Variants in KCND3 observed in about 807,000 individuals in gnomAD.
The protein encoded by KCND3 is A-type voltage-gated potassium channel KCND3.
In KCND3, 9 loss-of-function variants were observed where a neutral mutation model predicts 51.1. The ratio of observed to expected loss-of-function variants is 0.18; its 90% confidence interval spans 0.11 to 0.31. KCND3 has a LOEUF of 0.31. Ranked by LOEUF, KCND3 falls within the 10% of genes least tolerant of loss-of-function variation. KCND3 has a pLI of 1.00. For missense variants in KCND3, 526 were observed against 903.8 expected (o/e 0.58, Z 5.36); for synonymous variants, 349 against 368.0 (o/e 0.95, Z 0.59).
At chr1:111,941,803 C>T (rs1397301315) in intron 2 of KCND3, among the ~76,000 whole-genome samples, 1 of 152,292 alleles carries the variant, frequency 6.6e-6, no homozygotes, top group African/African-American at 2.4e-5. Flanking sequence ...CAGAAACTGC[C>T]TTTGACATAG....
At chr1:111,890,372 T>C (rs1005786631) in intron 2 of KCND3, among the ~76,000 whole-genome samples, 4 of 152,182 alleles carry the variant, frequency 2.6e-5, no homozygotes, top group African/African-American at 9.7e-5. Flanking sequence ...AAGCTGACTC[T>C]AAGGCTTTTG....
At chr1:111,915,528 G>A (rs557904131) in intron 2 of KCND3, among the ~76,000 whole-genome samples, 19 of 152,056 alleles carry the variant, frequency 1.2e-4, no homozygotes, top group African/African-American at 3.9e-4. Context: ...CGAGGTGGGA[G>A]GATCACGAGG....
chr1:111,935,962 C>T (rs1214062584), intron 2 of KCND3, among the ~76,000 whole-genome samples: 3 of 152,232 alleles, frequency 2.0e-5, no homozygotes, highest in African/African-American at 4.8e-5. Context: ...ATAAACTCTG[C>T]AAGACTGGTT....
intron 2 of KCND3, among the ~76,000 whole-genome samples, chr1:111,911,116 TCTGA>T (rs1670924356): frequency 1.3e-5 from 2 of 152,194 alleles, no homozygotes; most frequent in Admixed American, 6.5e-5. Context: ...TGGCCCTGAC[TCTGA>T]CTAAGATGGG....
At chr1:111,895,733 G>A (rs917599140) in intron 2 of KCND3, among the ~76,000 whole-genome samples, 8 of 152,224 alleles carry the variant, frequency 5.3e-5, no homozygotes, top group Non-Finnish European at 1.2e-4. Flanking sequence ...GGGCCAGGGG[G>A]CTGGATGCGG....
At chr1:111,972,435 G>A (rs1557758830) in intron 2 of KCND3, among the ~76,000 whole-genome samples, 2 of 152,142 alleles carry the variant, frequency 1.3e-5, no homozygotes, top group African/African-American at 4.8e-5. Context: ...GCCTCCCAAA[G>A]TGCTGGGATT....
chr1:111,860,583 A>T (rs1668294031), intron 2 of KCND3, among the ~76,000 whole-genome samples: 1 of 152,022 alleles, frequency 6.6e-6, no homozygotes. Flanking sequence ...CTAATGCATG[A>T]CCCACACTTC....
At chr1:111,884,355 G>A (rs1251417682) in intron 2 of KCND3, among the ~76,000 whole-genome samples, 1 of 152,186 alleles carries the variant, frequency 6.6e-6, no homozygotes, top group Non-Finnish European at 1.5e-5. Context: ...GTGGGAAATG[G>A]CCACATTGAA....
chr1:111,942,951 C>G (rs191297013), intron 2 of KCND3, among the ~76,000 whole-genome samples: 9 of 152,276 alleles, frequency 5.9e-5, no homozygotes, highest in African/African-American at 2.2e-4. Context: ...GGCCTCTCTC[C>G]TGGATGAAGA....
intron 2 of KCND3, among the ~76,000 whole-genome samples, chr1:111,840,589 T>A (rs1339402704): frequency 6.6e-6 from 1 of 152,078 alleles, no homozygotes; most frequent in African/African-American, 2.4e-5. Context: ...CAGAAATTTG[T>A]AAGTCATTGT....
chr1:111,925,926 C>A (rs573445139), intron 2 of KCND3, among the ~76,000 whole-genome samples: 1 of 152,290 alleles, frequency 6.6e-6, no homozygotes, highest in South Asian at 2.1e-4. Flanking sequence ...TTAGTATCCT[C>A]CCCCTCCCCA....
At chr1:111,928,440 G>A (rs564159491) in intron 2 of KCND3, among the ~76,000 whole-genome samples, 1 of 152,340 alleles carries the variant, frequency 6.6e-6, no homozygotes, top group South Asian at 2.1e-4. Flanking sequence ...TTCCACCTCA[G>A]TGGAAAGCAG....
chr1:111,837,962 G>A (rs1173730762), intron 2 of KCND3, among the ~76,000 whole-genome samples: 1 of 152,088 alleles, frequency 6.6e-6, no homozygotes, highest in South Asian at 2.1e-4. Context: ...AGACCACAGA[G>A]GTGCCGTTCT....
intron 2 of KCND3, among the ~76,000 whole-genome samples, chr1:111,805,535 T>C (rs1665525853): frequency 6.6e-6 from 1 of 152,240 alleles, no homozygotes; most frequent in Non-Finnish European, 1.5e-5. Flanking sequence ...GTGGACAGTA[T>C]GAAAATTAAT....
chr1:111,944,172 T>G (rs1049957555), intron 2 of KCND3, among the ~76,000 whole-genome samples: 2 of 151,798 alleles, frequency 1.3e-5, no homozygotes, highest in African/African-American at 4.8e-5. Flanking sequence ...GCAGGGGAGG[T>G]AGAGGGAAGC....
intron 2 of KCND3, among the ~76,000 whole-genome samples, chr1:111,804,624 G>C (rs556293827): frequency 6.6e-6 from 1 of 152,328 alleles, no homozygotes; most frequent in South Asian, 2.1e-4. Flanking sequence ...CTGCTCCACT[G>C]CTGGGGAGAG....
Position 111,982,001 on chromosome 1 carries a change from G to T in KCND3, c.726C>A (p.Leu242=), listed in dbSNP as rs775467051. Residue 242 remains leucine, a synonymous_variant, in exon 2 of 8, where the codon CTC becomes CTA. Transcript: ENST00000302127. This position sits in a 1 kb window ranked among gnomAD's most constrained non-coding sequence, Gnocchi z 8.5. ...GGCTGGGAGCCGCGAAGAGCCGCAG[G>T]AGGTACTCCACGGTGAAGATCATGA... ...ACVMIFTVEY[L]LRLFAAPSRY... 6.2e-7 allele frequency: 1 copy of T among 1,613,974 alleles called. No individual in the cohort carries two copies.
chr1:111,833,065 G>A (rs1368643412), intron 2 of KCND3, among the ~76,000 whole-genome samples: 3 of 152,262 alleles, frequency 2.0e-5, no homozygotes, highest in African/African-American at 7.2e-5. Flanking sequence ...TGACAGCTGA[G>A]CATCTGCATT....
intron 2 of KCND3, among the ~76,000 whole-genome samples, chr1:111,969,738 T>G (rs960234206): frequency 3.3e-5 from 5 of 152,152 alleles, no homozygotes; most frequent in Non-Finnish European, 5.9e-5. Flanking sequence ...TTCAGTGGAG[T>G]GGCAAACAGC....
Sources: allele counts gnomAD v4.1 joint callset (sites outside exome capture counted in the v4.1 genomes callset), GRCh38; gene constraint gnomAD v4.1.1; non-coding constraint Gnocchi (gnomAD v3.1); transcripts MANE v1.5; gene names NCBI Gene and HGNC (gene_info 2026-07-23, HGNC 2026-07-21).